The following RCAN2 variants were observed in gnomAD, a reference collection of about 807,000 sequenced individuals.
RCAN2 encodes calcipressin-2.
In RCAN2, 9 loss-of-function variants were observed where a neutral mutation model predicts 23.6. The observed-to-expected ratio is 0.38, with a 90% CI of 0.23 to 0.67. The LOEUF is 0.67. Ranked by LOEUF, RCAN2 falls within the 30% of genes least tolerant of loss-of-function variation. The pLI is 0.51. For synonymous variants in RCAN2, 109 were observed against 115.7 expected, an observed-to-expected ratio of 0.94 and a Z score of 0.37; for missense variants, 273 against 302.3, an observed-to-expected ratio of 0.90 and a Z score of 0.72.
intron 2 of RCAN2, among the ~76,000 whole-genome samples, chr6:46,320,167 A>C (rs1356230909): frequency 6.6e-6 from 1 of 152,230 alleles, no homozygotes; most frequent in Non-Finnish European, 1.5e-5. Context: ...GCAGAGCCAT[A>C]GGTCATGATT....
Position 46,405,765 on chromosome 6 carries a change from G to A in RCAN2, c.225+50987C>T, listed in dbSNP as rs1345315136. 2.6e-5 allele frequency among the ~76,000 whole-genome samples: 4 copies of A among 152,330 alleles called. No homozygotes were observed. The East Asian group carries it at 5.8e-4, about 22-fold the overall frequency. The stretch of plus-strand genomic sequence containing the variant: ...CCTGCCAGTCCCGCACCGTGCGCTC[G>A]CACTCCTCAGCCCTTGGGTGGTCCA... On this transcript the variant is annotated intron_variant, in intron 2 of 4. Coordinates refer to ENST00000371374, the MANE Select transcript of RCAN2 (RefSeq NM_001251974.2).
intron 1 of RCAN2, among the ~76,000 whole-genome samples, chr6:46,484,898 C>A (rs1040485647): frequency 1.3e-5 from 2 of 152,186 alleles, no homozygotes; most frequent in African/African-American, 4.8e-5. Flanking sequence ...AGCACTAACA[C>A]CATCAAGCCC....
chr6:46,307,036 C>T (rs1252567114), intron 2 of RCAN2, among the ~76,000 whole-genome samples: 4 of 152,128 alleles, frequency 2.6e-5, no homozygotes, highest in Non-Finnish European at 5.9e-5. Flanking sequence ...TAAAGCACTT[C>T]CATCCTCAAA....
chr6:46,267,404 G>T (rs757503313), intron 2 of RCAN2, among the ~76,000 whole-genome samples: 1 of 152,120 alleles, frequency 6.6e-6, no homozygotes, highest in Non-Finnish European at 1.5e-5. Flanking sequence ...AAAGAGGGTC[G>T]GTATGGTGGT....
intron 2 of RCAN2, among the ~76,000 whole-genome samples, chr6:46,310,993 T>C (rs1355991442): frequency 6.6e-6 from 1 of 152,176 alleles, no homozygotes; most frequent in Non-Finnish European, 1.5e-5. Flanking sequence ...GAAGAGGCAA[T>C]AATAACAATA....
chr6:46,456,761 T>C lies in RCAN2; in HGVS notation c.216A>G (p.Glu72=). The C allele has an allele frequency of 6.4e-7, 1 of 1,550,400 alleles. No individual in the cohort carries two copies. ...GAAAAAGGCAGCTTACCTTGCTCTC[T>C]TCTCCTTCAAACACTGACTGGTGAA... The part of the protein sequence containing the change: ...CNVHQSVFEG[E]ESKEKFEGLF... The change falls in exon 2 of 5, where the codon GAA becomes GAG. Residue 72 remains glutamate, a synonymous_variant. Transcript: ENST00000371374.
At chr6:46,270,909 T>G (rs1003049263) in intron 2 of RCAN2, among the ~76,000 whole-genome samples, 50 of 152,150 alleles carry the variant, frequency 3.3e-4, no homozygotes, top group Admixed American at 1.3e-3. Flanking sequence ...AGTGCTTCCT[T>G]CCCCAGTCAA....
At chr6:46,471,472 G>T (rs1768557444) in intron 1 of RCAN2, among the ~76,000 whole-genome samples, 1 of 152,174 alleles carries the variant, frequency 6.6e-6, no homozygotes, top group Non-Finnish European at 1.5e-5. Flanking sequence ...GGTAGGAGAA[G>T]ATTGAAGAGT....
intron 2 of RCAN2, among the ~76,000 whole-genome samples, chr6:46,413,907 C>T (rs761283986): frequency 1.3e-5 from 2 of 152,106 alleles, no homozygotes; most frequent in Admixed American, 6.6e-5. Flanking sequence ...GGTTGGTGAC[C>T]ACTCCTTGAG....
chr6:46,257,937 A>G (rs985458371), intron 2 of RCAN2, among the ~76,000 whole-genome samples: 3 of 152,230 alleles, frequency 2.0e-5, no homozygotes, highest in Non-Finnish European at 4.4e-5. Context: ...TGTCAATCCA[A>G]AAGAACAGTG....
At chr6:46,375,062 T>C (rs936760309) in intron 2 of RCAN2, among the ~76,000 whole-genome samples, 42 of 152,174 alleles carry the variant, frequency 2.8e-4, no homozygotes, top group African/African-American at 8.7e-4. Context: ...AGCAGCCCAG[T>C]AGCCGGCATT....
intron 2 of RCAN2, among the ~76,000 whole-genome samples, chr6:46,398,932 A>G (rs1766169953): frequency 1.3e-5 from 2 of 151,168 alleles, no homozygotes; most frequent in Admixed American, 1.3e-4. Flanking sequence ...ATATACATAT[A>G]TATACATAAA....
intron 2 of RCAN2, among the ~76,000 whole-genome samples, chr6:46,285,273 A>C (rs1221474779): frequency 1.3e-5 from 2 of 152,146 alleles, no homozygotes; most frequent in African/African-American, 4.8e-5. Flanking sequence ...ATATAAATCA[A>C]TTTTGGGCTC....
intron 2 of RCAN2, among the ~76,000 whole-genome samples, chr6:46,371,320 T>C (rs1765314362): frequency 6.6e-6 from 1 of 152,176 alleles, no homozygotes; most frequent in African/African-American, 2.4e-5. Context: ...TTACATAAGA[T>C]TTTAAGTCAC....
At chr6:46,230,690 C>T (rs1765852972) in intron 4 of RCAN2, among the ~76,000 whole-genome samples, 3 of 152,190 alleles carry the variant, frequency 2.0e-5, no homozygotes, top group African/African-American at 7.2e-5. Flanking sequence ...CTTCCCTTGG[C>T]TAGGAAAGGG....
intron 2 of RCAN2, among the ~76,000 whole-genome samples, chr6:46,272,460 A>G (rs994287007): frequency 6.6e-6 from 1 of 152,200 alleles, no homozygotes; most frequent in African/African-American, 2.4e-5. Flanking sequence ...GCCTCTTGAA[A>G]TAAGGGACAA....
At chr6:46,251,858 CTT>C (rs1420210488) in intron 2 of RCAN2, among the ~76,000 whole-genome samples, 3 of 152,120 alleles carry the variant, frequency 2.0e-5, no homozygotes, top group East Asian at 1.9e-4. Flanking sequence ...ACGTGAAACT[CTT>C]TGATATTCCT....
At chr6:46,277,646 A>G (rs956030048) in intron 2 of RCAN2, among the ~76,000 whole-genome samples, 19 of 152,092 alleles carry the variant, frequency 1.2e-4, no homozygotes, top group African/African-American at 4.6e-4. Flanking sequence ...TGGTCTATAA[A>G]GAAGGAACAG....
intron 1 of RCAN2, among the ~76,000 whole-genome samples, chr6:46,468,633 G>A (rs985756541): frequency 6.6e-6 from 1 of 152,192 alleles, no homozygotes; most frequent in Non-Finnish European, 1.5e-5. Flanking sequence ...CCTTCCATAT[G>A]TTGAGCATAC....
Sources: gnomAD v4.1 joint callset for allele counts (sites outside exome capture counted in the v4.1 genomes callset) on GRCh38, gnomAD v4.1.1 for gene constraint, MANE v1.5 for transcripts, NCBI Gene and HGNC (gene_info 2026-07-23, HGNC 2026-07-21) for gene names.